GRM7: variants seen among roughly 807,000 people sequenced by gnomAD.
The protein encoded by GRM7 is glutamate metabotropic receptor 7.
In GRM7, 35 loss-of-function variants were observed where a neutral mutation model predicts 84.5. The ratio of observed to expected loss-of-function variants is 0.41; its 90% CI spans 0.32 to 0.55. GRM7 has a LOEUF of 0.55. Ranked by LOEUF, GRM7 falls within the 20% of genes least tolerant of loss-of-function variation. GRM7 has a pLI of 0.19. For synonymous variants in GRM7, 487 were observed against 455.1 expected (o/e 1.07, Z -0.89); for missense variants, 1,003 against 1,194.6 (o/e 0.84, Z 2.36).
chr3:7,585,880 T>G (rs1011018102), intron 8 of GRM7, among the ~76,000 whole-genome samples: 1 of 152,284 alleles, frequency 6.6e-6, no homozygotes, highest in African/African-American at 2.4e-5. Flanking sequence ...GTCAGGGGAC[T>G]GCCAAATTCT....
chr3:6,973,710 C>T (rs1693864457), intron 1 of GRM7, among the ~76,000 whole-genome samples: 1 of 151,904 alleles, frequency 6.6e-6, no homozygotes, highest in African/African-American at 2.4e-5. Flanking sequence ...TTGCAAAGGC[C>T]CTGAGTATGA....
intron 1 of GRM7, among the ~76,000 whole-genome samples, chr3:7,032,273 T>C (rs1696218107): frequency 6.6e-6 from 1 of 152,206 alleles, no homozygotes; most frequent in Non-Finnish European, 1.5e-5. Flanking sequence ...TGTGGGAAAA[T>C]GTGGCTTTCA....
intron 8 of GRM7, among the ~76,000 whole-genome samples, chr3:7,654,786 G>A (rs1478667667): frequency 1.3e-5 from 2 of 152,206 alleles, no homozygotes; most frequent in Non-Finnish European, 2.9e-5. Context: ...AAGCATAGTA[G>A]CCACAAATTT....
At chr3:7,341,146 C>T (rs769819290) in intron 4 of GRM7, among the ~76,000 whole-genome samples, 2 of 152,032 alleles carry the variant, frequency 1.3e-5, no homozygotes, top group Non-Finnish European at 2.9e-5. Flanking sequence ...ATCATTTACC[C>T]GAAAGATATG....
intron 2 of GRM7, among the ~76,000 whole-genome samples, chr3:7,199,337 G>C (rs533831186): frequency 1.3e-5 from 2 of 152,324 alleles, no homozygotes; most frequent in East Asian, 3.9e-4. Context: ...GGGCCTTCCA[G>C]CTCAGTTGCT....
At chr3:7,118,413 A>T (rs1693112858) in intron 1 of GRM7, among the ~76,000 whole-genome samples, 2 of 151,092 alleles carry the variant, frequency 1.3e-5, no homozygotes, top group Admixed American at 1.3e-4. Flanking sequence ...ATAAATGGAA[A>T]AAATGAATAA....
intron 1 of GRM7, among the ~76,000 whole-genome samples, chr3:7,041,787 G>T (rs1299457012): frequency 6.6e-6 from 1 of 152,140 alleles, no homozygotes; most frequent in Non-Finnish European, 1.5e-5. Context: ...GCAGCCCCTA[G>T]GTAGATTGAG....
chr3:7,417,454 A>C (rs1194185050), intron 5 of GRM7, among the ~76,000 whole-genome samples: 1 of 152,160 alleles, frequency 6.6e-6, no homozygotes, highest in African/African-American at 2.4e-5. Flanking sequence ...CTATTTAAAA[A>C]ATCTTTACAT....
intron 8 of GRM7, among the ~76,000 whole-genome samples, chr3:7,655,338 CAA>C (rs1425947978): frequency 6.6e-6 from 1 of 152,182 alleles, no homozygotes; most frequent in Non-Finnish European, 1.5e-5. Context: ...ACCCAAGGTT[CAA>C]AGTTATCAAC....
At chr3:7,496,285 A>G (rs2124957641) in intron 7 of GRM7, among the ~76,000 whole-genome samples, 1 of 152,320 alleles carries the variant, frequency 6.6e-6, no homozygotes, top group Non-Finnish European at 1.5e-5. Context: ...CAATGGGGAC[A>G]ACTAGACACT....
Position 7,193,806 on chromosome 3 carries a change from A to T in GRM7, c.736+47138A>T, listed in dbSNP as rs1015638366. The stretch of plus-strand genomic sequence containing the variant: ...TAAGCTCAAGCTACAACATATAGAA[A>T]TTTTTTTCACACAAATAAACAACCA... On this transcript the variant is annotated intron_variant, in intron 2 of 9. Transcript: ENST00000357716. 4.0e-4 allele frequency among the ~76,000 whole-genome samples: 61 copies of T among 152,112 alleles called. 4 individuals are homozygous for T. Among genetic ancestry groups the T allele is most frequent in the Admixed American group, 1.2e-3 (19 of 15,258 alleles).
intron 7 of GRM7, among the ~76,000 whole-genome samples, chr3:7,531,278 C>CT (rs952330153): frequency 6.6e-6 from 1 of 151,960 alleles, no homozygotes; most frequent in African/African-American, 2.4e-5. Flanking sequence ...TATCTGAGGC[C>CT]TTTTTTTCTG....
At chr3:7,474,455 AATTG>A in intron 7 of GRM7, among the ~76,000 whole-genome samples, 1 of 151,430 alleles carries the variant, frequency 6.6e-6, no homozygotes, top group African/African-American at 2.4e-5. Flanking sequence ...AAAAAAAAAA[AATTG>A]ACAATTGAGA....
intron 2 of GRM7, among the ~76,000 whole-genome samples, chr3:7,163,950 T>C (rs1015042374): frequency 1.3e-5 from 2 of 152,220 alleles, no homozygotes; most frequent in African/African-American, 4.8e-5. Context: ...TCATTTCCAG[T>C]GTTCAAGTCA....
At chr3:7,484,661 G>A (rs950533924) in intron 7 of GRM7, among the ~76,000 whole-genome samples, 2 of 152,146 alleles carry the variant, frequency 1.3e-5, no homozygotes, top group African/African-American at 4.8e-5. Context: ...GAATACAATA[G>A]TAAATAAAAC....
At chr3:7,478,472 A>G (rs114891363) in intron 7 of GRM7, among the ~76,000 whole-genome samples, 3,051 of 152,314 alleles carry the variant, frequency 0.02, 83 homozygotes, top group African/African-American at 0.06. Context: ...AGAAAAAAGC[A>G]TGGAATTTAA....
In GRM7 at chr3:7,046,153, A is replaced by G. The variant is rs565904038; in HGVS notation, c.520-100299A>G. Among the ~76,000 whole-genome samples the G allele has an allele frequency of 2.6e-5, 4 of 152,162 alleles. No individual in the cohort carries two copies. In the South Asian group the frequency reaches 6.2e-4, roughly 24 times the overall value. On this transcript the variant is annotated intron_variant, in intron 1 of 9. Transcript: ENST00000357716. ...AATACCTTTTCGTATTCTATTGTCCATTGTTATGCTTTTTGTGGGAAATGT... is the reference window on the plus strand; with the variant it reads ...AATACCTTTTCGTATTCTATTGTCCGTTGTTATGCTTTTTGTGGGAAATGT...
rs934702909 is a variant in GRM7 at position 7,081,919 on chromosome 3, G to T, written c.520-64533G>T. ...TGCAAAGGCTGAAAGAAGTGAGAGA[G>T]CTACCGAAGGAAAGTTTGGAGCTAG... On this transcript the variant is annotated intron_variant, in intron 1 of 9. Coordinates refer to ENST00000357716, the MANE Select transcript of GRM7 (RefSeq NM_000844.4). Among the ~76,000 whole-genome samples, 12 of 152,078 alleles carry T rather than the reference G, an allele frequency of 7.9e-5. 1 individual carries two copies. Among genetic ancestry groups the T allele is most frequent in the Non-Finnish European group, 1.2e-4 (8 of 67,992 alleles).
chr3:7,355,154 T>C (rs1693335903), intron 4 of GRM7, among the ~76,000 whole-genome samples: 1 of 152,156 alleles, frequency 6.6e-6, no homozygotes, highest in Non-Finnish European at 1.5e-5. Flanking sequence ...AGTCCAGGTG[T>C]GTGGAGCCTG....
Sources: allele counts gnomAD v4.1 joint callset (sites outside exome capture counted in the v4.1 genomes callset), GRCh38; gene constraint gnomAD v4.1.1; transcripts MANE v1.5; gene names NCBI Gene and HGNC (gene_info 2026-07-23, HGNC 2026-07-21).